MTUS2: variants seen among roughly 807,000 people sequenced by gnomAD.
MTUS2 encodes microtubule associated scaffold protein 2, also known as microtubule-associated tumor suppressor candidate 2.
Under a neutral mutation model 114.1 loss-of-function variants are expected in MTUS2, and 40 were observed. The observed-to-expected ratio is 0.35, with a 90% CI of 0.27 to 0.46. The LOEUF is 0.46. Among genes scored for constraint, MTUS2 ranks in the 20% least tolerant of loss-of-function variants. The probability of loss-of-function intolerance (pLI) is 1.00; values close to 1 mark genes in which losing one functional copy is unlikely to be tolerated. For synonymous variants in MTUS2, 688 were observed against 672.0 expected (o/e 1.02, Z -0.37); for missense variants, 1,679 against 1,705.4 (o/e 0.98, Z 0.27).
At chr13:29,452,606 GTATA>G (rs1259887431) in intron 9 of MTUS2, among the ~76,000 whole-genome samples, 1 of 132,038 alleles carries the variant, frequency 7.6e-6, no homozygotes, top group African/African-American at 2.9e-5. Context: ...GTGTGTGTGT[GTATA>G]TATATATATA....
chr13:28,948,057 G>A (rs563834010), intron 2 of MTUS2, among the ~76,000 whole-genome samples: 1 of 152,270 alleles, frequency 6.6e-6, no homozygotes, highest in East Asian at 1.9e-4. Flanking sequence ...AAAGATGACA[G>A]ATCATTTTCA....
At chr13:29,258,251 T>G (rs536119140) in intron 5 of MTUS2, among the ~76,000 whole-genome samples, 2 of 152,324 alleles carry the variant, frequency 1.3e-5, no homozygotes, top group Admixed American at 6.5e-5. Context: ...GTTGTAGGAC[T>G]GAGGTACCCT....
intron 7 of MTUS2, among the ~76,000 whole-genome samples, chr13:29,344,251 A>C (rs2138136895): frequency 6.6e-6 from 1 of 152,116 alleles, no homozygotes; most frequent in Middle Eastern, 3.4e-3. Context: ...TGGGTACTGA[A>C]GTCTCCCGCT....
At chr13:29,307,172 T>C in intron 6 of MTUS2, 1 of 502,948 alleles carries the variant, frequency 2.0e-6, no homozygotes, top group Non-Finnish European at 3.7e-6. Flanking sequence ...CTGATGTTCG[T>C]GATGGGCGTG....
intron 5 of MTUS2, among the ~76,000 whole-genome samples, chr13:29,253,634 G>A (rs906801029): frequency 1.3e-5 from 2 of 152,022 alleles, no homozygotes; most frequent in Non-Finnish European, 2.9e-5. Context: ...CAGAATTCCT[G>A]GAGGGTTTGC....
At chr13:29,233,967 A>C (rs1244405546) in intron 5 of MTUS2, among the ~76,000 whole-genome samples, 1 of 152,226 alleles carries the variant, frequency 6.6e-6, no homozygotes, top group South Asian at 2.1e-4. Flanking sequence ...TCAAAAGAGA[A>C]GCTACGTAGG....
At chr13:29,294,827 A>G (rs1199697535) in intron 6 of MTUS2, among the ~76,000 whole-genome samples, 1 of 152,196 alleles carries the variant, frequency 6.6e-6, no homozygotes, top group Non-Finnish European at 1.5e-5. Flanking sequence ...CATCTTTTCT[A>G]TGTGTAAACT....
intron 8 of MTUS2, among the ~76,000 whole-genome samples, chr13:29,439,446 A>G (rs1297843810): frequency 1.3e-5 from 2 of 152,184 alleles, no homozygotes; most frequent in Non-Finnish European, 2.9e-5. Context: ...GAAACCTTAA[A>G]TATTGTTGTT....
rs1871244729 is a variant in MTUS2 at position 29,372,126 on chromosome 13, C to CAA, written c.3117+12654_3117+12655dup. 4.0e-5 allele frequency among the ~76,000 whole-genome samples: 6 copies of CAA among 151,254 alleles called. No homozygotes were observed. In the South Asian group the frequency reaches 1.3e-3, roughly 32 times the overall value. On this transcript the variant is annotated intron_variant, in intron 8 of 15. Coordinates refer to ENST00000612955, the MANE Select transcript of MTUS2 (RefSeq NM_001033602.4). ...TTAAATTTATAGAAATTTTATTCATCAATTGTACCTCAATAAAGCTGGCTG... is the reference window on the plus strand; with the variant it reads ...TTAAATTTATAGAAATTTTATTCATCAAAATTGTACCTCAATAAAGCTGGCTG...
chr13:28,999,964 A>G (rs1200439234), intron 2 of MTUS2, among the ~76,000 whole-genome samples: 1 of 152,176 alleles, frequency 6.6e-6, no homozygotes. Flanking sequence ...ATTCTTTTTA[A>G]TAGCTGAATA....
chr13:28,930,159 A>G (rs570744459), intron 2 of MTUS2, among the ~76,000 whole-genome samples: 2 of 152,354 alleles, frequency 1.3e-5, no homozygotes, highest in African/African-American at 4.8e-5. Context: ...ATTATTCTTT[A>G]GCCTCACATA....
intron 2 of MTUS2, among the ~76,000 whole-genome samples, chr13:28,990,186 G>A (rs1293059978): frequency 1.3e-5 from 2 of 152,220 alleles, no homozygotes; most frequent in Non-Finnish European, 2.9e-5. Context: ...CCAGGGAGAT[G>A]TTGGAGGCCT....
chr13:29,062,216 A>G (rs1379402784), intron 4 of MTUS2, among the ~76,000 whole-genome samples: 1 of 152,176 alleles, frequency 6.6e-6, no homozygotes, highest in East Asian at 1.9e-4. Flanking sequence ...GAACTCCTGA[A>G]TTCAAGAGAC....
chr13:29,478,742 G>A (rs977189097), intron 9 of MTUS2, among the ~76,000 whole-genome samples: 3 of 152,030 alleles, frequency 2.0e-5, no homozygotes, highest in African/African-American at 7.2e-5. Flanking sequence ...GGCCCTGATT[G>A]CATTGGGAGA....
chr13:29,369,390 GT>G (rs1188527259), intron 8 of MTUS2, among the ~76,000 whole-genome samples: 2 of 152,134 alleles, frequency 1.3e-5, no homozygotes, highest in African/African-American at 2.4e-5. Context: ...ATTCCAGAGA[GT>G]TTTACAGAAA....
chr13:29,001,417 A>G (rs1327266339), intron 2 of MTUS2, among the ~76,000 whole-genome samples: 2 of 152,160 alleles, frequency 1.3e-5, no homozygotes, highest in Non-Finnish European at 2.9e-5. Flanking sequence ...TGACAGAACT[A>G]GATGACAGGT....
At chr13:29,085,538 T>C (rs541580689) in intron 4 of MTUS2, among the ~76,000 whole-genome samples, 1 of 152,330 alleles carries the variant, frequency 6.6e-6, no homozygotes, top group Admixed American at 6.5e-5. Context: ...ACATGTGGAA[T>C]TTGGCTTTCT....
intron 2 of MTUS2, among the ~76,000 whole-genome samples, chr13:28,965,113 A>G (rs1000009060): frequency 2.6e-5 from 4 of 152,200 alleles, no homozygotes; most frequent in Admixed American, 6.5e-5. Context: ...TGAAGTTCAC[A>G]CGGATGGTTG....
intron 5 of MTUS2, among the ~76,000 whole-genome samples, chr13:29,181,536 A>G (rs1894004134): frequency 6.6e-6 from 1 of 152,158 alleles, no homozygotes; most frequent in African/African-American, 2.4e-5. Context: ...TCATCAGAGA[A>G]ATGGTTCTGG....
Sources: allele counts gnomAD v4.1 joint callset (sites outside exome capture counted in the v4.1 genomes callset), GRCh38; gene constraint gnomAD v4.1.1; transcripts MANE v1.5; gene names NCBI Gene and HGNC (gene_info 2026-07-23, HGNC 2026-07-21).